FGF12: variants seen among roughly 807,000 people sequenced by gnomAD.
FGF12 encodes fibroblast growth factor 12B.
A neutral mutation model predicts 23.6 loss-of-function variants in FGF12; 14 were observed. The observed-to-expected ratio is 0.59, with a 90% CI of 0.39 to 0.93. FGF12 has a LOEUF of 0.93. Ranked by LOEUF, FGF12 falls within the 40% of genes least tolerant of loss-of-function variation. The pLI is 0.00. For missense variants in FGF12, 175 were observed against 217.8 expected (o/e 0.80, Z 1.24); for synonymous variants, 62 against 77.3 (o/e 0.80, Z 1.04).
intron 2 of FGF12, among the ~76,000 whole-genome samples, chr3:192,574,528 A>C: frequency 6.6e-6 from 1 of 152,186 alleles, no homozygotes; most frequent in Non-Finnish European, 1.5e-5. Flanking sequence ...CGTCCTACTC[A>C]AAAATGGGCC....
At chr3:192,186,278 C>G (rs1022298756) in intron 4 of FGF12, among the ~76,000 whole-genome samples, 2 of 152,208 alleles carry the variant, frequency 1.3e-5, no homozygotes, top group African/African-American at 2.4e-5. Context: ...TTGAGAATTA[C>G]ATGTGAATCA....
Position 192,353,918 on chromosome 3 carries a change from C to T in FGF12, c.124+6510G>A, listed in dbSNP as rs913395271. Among the ~76,000 whole-genome samples the T allele has an allele frequency of 2.1e-4, 32 of 152,224 alleles. No individual in the cohort carries two copies. In the Middle Eastern group the frequency reaches 0.014, roughly 65 times the overall value. On this transcript the variant is annotated intron_variant, in intron 3 of 5. Coordinates refer to ENST00000445105, the MANE Select transcript of FGF12 (RefSeq NM_004113.6). The stretch of plus-strand genomic sequence containing the variant: ...AACATCTGTTTAATTTTTTGTAGTA[C>T]CTGCATGCCCTTGTGATAAGAAATA...
chr3:192,612,967 T>G (rs181033564), intron 2 of FGF12, among the ~76,000 whole-genome samples: 1 of 151,680 alleles, frequency 6.6e-6, no homozygotes, highest in Non-Finnish European at 1.5e-5. Context: ...TAAAAATACT[T>G]TGGAACCACA....
intron 2 of FGF12, among the ~76,000 whole-genome samples, chr3:192,430,845 C>T (rs574564245): frequency 1.3e-5 from 2 of 152,270 alleles, no homozygotes; most frequent in Admixed American, 1.3e-4. Context: ...CAACAACCTG[C>T]TTCTGTACTA....
At chr3:192,345,832 A>G (rs1717934116) in intron 3 of FGF12, among the ~76,000 whole-genome samples, 1 of 152,200 alleles carries the variant, frequency 6.6e-6, no homozygotes, top group South Asian at 2.1e-4. Context: ...ATCCTGCTCA[A>G]AAGGTAAAAA....
chr3:192,338,600 T>G (rs2108704901), intron 3 of FGF12, among the ~76,000 whole-genome samples: 1 of 152,166 alleles, frequency 6.6e-6, no homozygotes. Context: ...CTGGATCATC[T>G]CAAACCAAAA....
intron 2 of FGF12, among the ~76,000 whole-genome samples, chr3:192,588,266 C>A (rs1275476379): frequency 7.1e-6 from 1 of 141,700 alleles, no homozygotes; most frequent in Non-Finnish European, 1.5e-5. Flanking sequence ...AGGAGAATGG[C>A]GTGAACCCGG....
chr3:192,585,980 A>T (rs545811207), intron 2 of FGF12, among the ~76,000 whole-genome samples: 395 of 152,302 alleles, frequency 2.6e-3, no homozygotes, highest in Non-Finnish European at 4.2e-3. Flanking sequence ...TATTGAAAAA[A>T]TTTTTCAAAA....
intron 2 of FGF12, among the ~76,000 whole-genome samples, chr3:192,379,630 C>T (rs961434439): frequency 2.0e-5 from 3 of 152,190 alleles, no homozygotes; most frequent in Non-Finnish European, 2.9e-5. Context: ...CGTGCACACA[C>T]GCAATGCATT....
At chr3:192,481,838 G>A (rs1410167526) in intron 2 of FGF12, among the ~76,000 whole-genome samples, 4 of 152,140 alleles carry the variant, frequency 2.6e-5, no homozygotes, top group South Asian at 2.1e-4. Context: ...CTGAAATTCT[G>A]CCCAAAAGTA....
chr3:192,686,419 C>A (rs1717733907), intron 2 of FGF12, among the ~76,000 whole-genome samples: 1 of 152,170 alleles, frequency 6.6e-6, no homozygotes, highest in South Asian at 2.1e-4. Flanking sequence ...TCCCACACCA[C>A]TCCCCATCAC....
chr3:192,467,073 G>A (rs1723032369), intron 2 of FGF12, among the ~76,000 whole-genome samples: 1 of 152,112 alleles, frequency 6.6e-6, no homozygotes, highest in Non-Finnish European at 1.5e-5. Context: ...TTAATTGTTT[G>A]TAACATCTGC....
At chr3:192,521,512 T>G (rs925565031) in intron 2 of FGF12, 2 of 152,206 alleles carry the variant, frequency 1.3e-5, no homozygotes, top group African/African-American at 2.4e-5. Context: ...TAAATACTTA[T>G]GAATGTCAAG....
At chr3:192,621,690 C>A (rs200267009) in intron 2 of FGF12, among the ~76,000 whole-genome samples, 148 of 94,228 alleles carry the variant, frequency 1.6e-3, no homozygotes, top group Middle Eastern at 7.5e-3. Context: ...GATACAAATA[C>A]AAAAAAAAAA....
chr3:192,589,893 T>G (rs1218803455), intron 2 of FGF12, among the ~76,000 whole-genome samples: 1 of 151,904 alleles, frequency 6.6e-6, no homozygotes, highest in Non-Finnish European at 1.5e-5. Context: ...GTAATATATT[T>G]TATGGAAAAA....
intron 4 of FGF12, among the ~76,000 whole-genome samples, chr3:192,214,717 T>C (rs530240476): frequency 9.8e-5 from 15 of 152,356 alleles, no homozygotes; most frequent in African/African-American, 3.6e-4. Flanking sequence ...ATAAGCATTG[T>C]TAGTCCAAGG....
chr3:192,236,411 T>G (rs1719302172), intron 4 of FGF12, among the ~76,000 whole-genome samples: 1 of 152,160 alleles, frequency 6.6e-6, no homozygotes, highest in Non-Finnish European at 1.5e-5. Flanking sequence ...TGATATATCT[T>G]TGTTAGCTTT....
chr3:192,235,683 G>A (rs1002722451), intron 4 of FGF12, among the ~76,000 whole-genome samples: 1 of 152,124 alleles, frequency 6.6e-6, no homozygotes, highest in East Asian at 1.9e-4. Context: ...GGGAATTTTT[G>A]TACCTCTGTG....
At chr3:192,425,278 G>A (rs531027870) in intron 2 of FGF12, among the ~76,000 whole-genome samples, 9 of 152,268 alleles carry the variant, frequency 5.9e-5, no homozygotes, top group African/African-American at 2.2e-4. Flanking sequence ...ACAAATGAAA[G>A]GTGGGCTCTG....
Sources: allele counts gnomAD v4.1 joint callset (sites outside exome capture counted in the v4.1 genomes callset), GRCh38; gene constraint gnomAD v4.1.1; transcripts MANE v1.5; gene names NCBI Gene and HGNC (gene_info 2026-07-23, HGNC 2026-07-21).